Variants in VWA3B observed in about 807,000 individuals in gnomAD.
VWA3B encodes von Willebrand factor A domain containing 3B.
A neutral mutation model predicts 158.3 loss-of-function variants in VWA3B; 138 were observed. That is an observed-to-expected ratio of 0.87 (90% CI 0.76 to 1.00). VWA3B has a LOEUF of 1.00. VWA3B is among the 50% of genes least tolerant of loss of function. The probability of loss-of-function intolerance (pLI) is 0.00; values close to 1 mark genes in which losing one functional copy is unlikely to be tolerated. For missense variants in VWA3B, 1,555 were observed against 1,565.1 expected, an observed-to-expected ratio of 0.99 and a Z score of 0.11; for synonymous variants, 596 against 587.3, an observed-to-expected ratio of 1.01 and a Z score of -0.21.
chr2:98,195,624 T>TA (rs1030479442), intron 12 of VWA3B, among the ~76,000 whole-genome samples: 2 of 152,016 alleles, frequency 1.3e-5, no homozygotes, highest in African/African-American at 4.8e-5. Context: ...TAATAGGAAA[T>TA]ACCTTGTTAA....
chr2:98,169,472 A>G lies in VWA3B; in HGVS notation c.1114+6496A>G, dbSNP rs975778103. 2.0e-5 allele frequency among the ~76,000 whole-genome samples: 3 copies of G among 152,302 alleles called. No individual in the cohort carries two copies. The South Asian group carries it at 6.2e-4, about 32-fold the overall frequency. On this transcript the variant is annotated intron_variant, in intron 8 of 27. Transcript: ENST00000477737. ...CCAAAACCTGTCAGAAAAAAAAAAGAAGAACAAAGAACAGATAGGGCCAAT... is the reference window on the plus strand; with the variant it reads ...CCAAAACCTGTCAGAAAAAAAAAAGGAGAACAAAGAACAGATAGGGCCAAT...
At chr2:98,136,669 A>T (rs1259579926) in intron 7 of VWA3B, among the ~76,000 whole-genome samples, 1 of 151,632 alleles carries the variant, frequency 6.6e-6, no homozygotes, top group Admixed American at 6.6e-5. Context: ...AATCTTATTC[A>T]GGAGGACTCC....
chr2:98,195,522 A>C (rs1426511867), intron 12 of VWA3B, among the ~76,000 whole-genome samples: 1 of 152,192 alleles, frequency 6.6e-6, no homozygotes, highest in East Asian at 1.9e-4. Context: ...TGTTGAATTC[A>C]TACCCAACTT....
At chr2:98,240,475 TGGC>T (rs1686008644) in intron 19 of VWA3B, among the ~76,000 whole-genome samples, 1 of 152,218 alleles carries the variant, frequency 6.6e-6, no homozygotes, top group Non-Finnish European at 1.5e-5. Flanking sequence ...TCAAGTCAGA[TGGC>T]TGGACCCAAA....
chr2:98,274,426 G>A (rs1351908193), intron 22 of VWA3B, among the ~76,000 whole-genome samples: 2 of 152,176 alleles, frequency 1.3e-5, no homozygotes, highest in African/African-American at 2.4e-5. Flanking sequence ...ATGGGGAAAA[G>A]TGACCTGACT....
chr2:98,127,156 TTA>T (rs1375956508), intron 5 of VWA3B, among the ~76,000 whole-genome samples: 2 of 152,214 alleles, frequency 1.3e-5, no homozygotes, highest in African/African-American at 4.8e-5. Context: ...CTTCCCCCAT[TTA>T]TGTGTGGACA....
At chr2:98,108,994 C>CTTTTTT (rs56760057) in intron 2 of VWA3B, among the ~76,000 whole-genome samples, 32 of 132,552 alleles carry the variant, frequency 2.4e-4, no homozygotes, top group Non-Finnish European at 3.4e-4. Flanking sequence ...CTTTTCTTTT[C>CTTTTTT]TTTTTTTTTT....
chr2:98,116,790 C>T (rs966559351), intron 3 of VWA3B, among the ~76,000 whole-genome samples: 2 of 152,328 alleles, frequency 1.3e-5, no homozygotes, highest in South Asian at 4.1e-4. Flanking sequence ...CAACCTCATG[C>T]CTCAGATTAC....
chr2:98,301,107 G>A (rs538863950), intron 25 of VWA3B, among the ~76,000 whole-genome samples: 22 of 152,126 alleles, frequency 1.4e-4, no homozygotes, highest in Non-Finnish European at 2.8e-4. Context: ...TGGCTAACAC[G>A]GTGAAACCCC....
intron 20 of VWA3B, among the ~76,000 whole-genome samples, chr2:98,252,871 GC>G (rs1363888758): frequency 1.3e-5 from 2 of 152,038 alleles, no homozygotes; most frequent in Admixed American, 6.5e-5. Context: ...ATCTGGAAAA[GC>G]CTTTTAGTAC....
At chr2:98,262,848 G>A (rs1687569950) in intron 21 of VWA3B, among the ~76,000 whole-genome samples, 1 of 151,838 alleles carries the variant, frequency 6.6e-6, no homozygotes, top group South Asian at 2.1e-4. Context: ...GATAGGGATT[G>A]CATAGAATTG....
At chr2:98,092,860 A>ATATATG (rs1553633936) in intron 1 of VWA3B, among the ~76,000 whole-genome samples, 104 of 118,512 alleles carry the variant, frequency 8.8e-4, no homozygotes, top group Admixed American at 1.5e-3. Context: ...ATATATATAT[A>ATATATG]GTTGAATATT....
Position 98,087,357 on chromosome 2 carries a change from T to C in VWA3B, c.-39T>C, listed in dbSNP as rs1164489841. 6.6e-6 allele frequency: 1 copy of C among 152,164 alleles called. No homozygotes were observed. Among genetic ancestry groups the C allele is most frequent in the Admixed American group, 6.5e-5 (1 of 15,282 alleles). The allele number at this position is 152,164 out of a possible 1,614,324, so 9.4% of individuals were successfully genotyped here. ...GCCGCCACGTCTTCCACCCGACATATTGCCTAGTAAGTGTGGGAGCGATGC... is the reference window on the plus strand; with the variant it reads ...GCCGCCACGTCTTCCACCCGACATACTGCCTAGTAAGTGTGGGAGCGATGC... On this transcript the variant is annotated 5_prime_UTR_variant, in exon 1 of 28. Coordinates refer to ENST00000477737, the MANE Select transcript of VWA3B (RefSeq NM_144992.5).
At chr2:98,175,593 C>T (rs1439124389) in intron 8 of VWA3B, among the ~76,000 whole-genome samples, 1 of 152,048 alleles carries the variant, frequency 6.6e-6, no homozygotes, top group African/African-American at 2.4e-5. Flanking sequence ...ATACCATAAA[C>T]ATAACAACAT....
At chr2:98,165,534 G>A (rs896802138) in intron 8 of VWA3B, among the ~76,000 whole-genome samples, 4 of 152,146 alleles carry the variant, frequency 2.6e-5, no homozygotes, top group Non-Finnish European at 4.4e-5. Flanking sequence ...TTACAGAGGT[G>A]CAGAGGGCAG....
At chr2:98,281,916 T>C (rs1218716097) in intron 22 of VWA3B, among the ~76,000 whole-genome samples, 1 of 152,228 alleles carries the variant, frequency 6.6e-6, no homozygotes, top group East Asian at 1.9e-4. Context: ...GGCTTATTTG[T>C]TTGAGAGCTA....
rs1165615795 is a variant in VWA3B, at chr2:98,217,882, C to T, written c.1873C>T (p.Gln625Ter). The T allele has an allele frequency of 6.2e-7, 1 of 1,610,732 alleles. No homozygotes were observed. Residue 625 changes from glutamine (Q) to a stop codon, truncating the protein, a stop_gained, in exon 14 of 28, where the codon CAG becomes TAG. Transcript: ENST00000477737. LOFTEE classifies it high-confidence loss of function. ...ETVIDQVKRF[Q>*]EIPIYTISFN... is the part of the protein sequence containing the mutation. ...AGTTATAGACCAGGTCAAACGTTTT[C>T]AGGAAATTCCTATTTATACCATCTC...
At chr2:98,131,692 A>T (rs1227027150) in intron 6 of VWA3B, among the ~76,000 whole-genome samples, 1 of 152,084 alleles carries the variant, frequency 6.6e-6, no homozygotes, top group Non-Finnish European at 1.5e-5. Flanking sequence ...CATCACAGTC[A>T]CTGGGGAGCT....
Position 98,306,643 on chromosome 2 carries a change from G to A in VWA3B, c.3521+2841G>A, listed in dbSNP as rs143317944. On this transcript the variant is annotated intron_variant, in intron 26 of 27. Transcript: ENST00000477737. ...TACAGCTCATTATAAAGGAATATGAGCAGATGTATCTAAGTATTACCCATT... is the reference window on the plus strand; with the variant it reads ...TACAGCTCATTATAAAGGAATATGAACAGATGTATCTAAGTATTACCCATT... Among the ~76,000 whole-genome samples the A allele has an allele frequency of 7.9e-3, 1,198 of 152,258 alleles. 10 individuals carry two copies. The highest frequency in any genetic ancestry group is 0.015 in the Admixed American group (229 of 15,284).
Sources: allele counts gnomAD v4.1 joint callset (sites outside exome capture counted in the v4.1 genomes callset), GRCh38; gene constraint gnomAD v4.1.1; transcripts MANE v1.5; gene names NCBI Gene and HGNC (gene_info 2026-07-23, HGNC 2026-07-21).